The following DLG4 variants were observed in gnomAD, a reference collection of about 807,000 sequenced individuals.
The protein encoded by DLG4 is discs large MAGUK scaffold protein 4.
A neutral mutation model predicts 93.8 loss-of-function variants in DLG4; 7 were observed. That is an observed-to-expected ratio of 0.07 (90% CI 0.04 to 0.14). The LOEUF (loss-of-function observed/expected upper bound fraction) is 0.14, where lower values mean the gene tolerates loss of function less well. Among genes scored for constraint, DLG4 ranks in the 10% least tolerant of loss-of-function variants. The probability of loss-of-function intolerance (pLI) is 1.00; values close to 1 mark genes in which losing one functional copy is unlikely to be tolerated. For synonymous variants in DLG4, 341 were observed against 387.6 expected (o/e 0.88, Z 1.41); for missense variants, 545 against 992.9 (o/e 0.55, Z 6.06).
rs778575241 is a variant in DLG4, at chr17:7,194,304, G to A, written c.1478+15C>T. The A allele has an allele frequency of 3.5e-5, 56 of 1,596,918 alleles. No homozygotes were observed. Among genetic ancestry groups the A allele is most frequent in the Admixed American group, 2.4e-4 (14 of 57,648 alleles). ...GTGCCTGTGGCAGGAAGGCTACAGA[G>A]CCCAGGAGCCTCACCGCCGTTTGCT... On this transcript the variant is annotated intron_variant, in intron 12 of 19. Coordinates refer to ENST00000399506, the MANE Select transcript of DLG4 (RefSeq NM_001321075.3). This position sits in a 1 kb window ranked among gnomAD's most constrained non-coding sequence, Gnocchi z 4.4.
rs1183722469 is a variant in DLG4, at chr17:7,195,216, A to G, written c.1302-721T>C. Among the ~76,000 whole-genome samples the G allele has an allele frequency of 6.6e-6, 1 of 152,174 alleles. No homozygotes were observed. The highest frequency in any genetic ancestry group is 1.5e-5 in the Non-Finnish European group (1 of 68,030). ...AGTCACAACCCCTGGGGTCAGAACC[A>G]GGGAAGTAATGAAGACACAGAAGAA... On this transcript the variant is annotated intron_variant, in intron 11 of 19. Transcript: ENST00000399506. The surrounding 1 kb of genome is among the most constrained non-coding windows in gnomAD (Gnocchi z 4.3).
At position 7,194,187 on chromosome 17, in the gene DLG4, C is replaced by T; in HGVS notation, c.1478+132G>A. The T allele has an allele frequency of 7.3e-7, 1 of 1,363,464 alleles. No homozygotes were observed. 84.5% of individuals were successfully genotyped at this position (1,363,464 alleles called of 1,614,324 possible). A position where few individuals can be genotyped will look rare whatever the true frequency, so the allele number is the denominator to read the frequency against. ...CCAAAGGCTCATGGGAGCCACGGAC[C>T]CCAGGAGGGCCCAACAGACAAACCC... On this transcript the variant is annotated intron_variant, in intron 12 of 19. Coordinates refer to ENST00000399506, the MANE Select transcript of DLG4 (RefSeq NM_001321075.3). This position sits in a 1 kb window ranked among gnomAD's most constrained non-coding sequence, Gnocchi z 4.4.
rs1457338374 is a variant in DLG4, at chr17:7,195,573, C to T, written c.1301+647G>A. On this transcript the variant is annotated intron_variant, in intron 11 of 19. Coordinates refer to ENST00000399506, the MANE Select transcript of DLG4 (RefSeq NM_001321075.3). This position sits in a 1 kb window ranked among gnomAD's most constrained non-coding sequence, Gnocchi z 4.3. Reference sequence around the variant, plus strand: ...CATCCCAGTGGAGATGGCCAGAAAGCCAATGGCCAGAAGTGCAGGTCTTGA... The same window carrying T: ...CATCCCAGTGGAGATGGCCAGAAAGTCAATGGCCAGAAGTGCAGGTCTTGA... 6.6e-6 allele frequency among the ~76,000 whole-genome samples: 1 copy of T among 152,122 alleles called. No homozygotes were observed. Among genetic ancestry groups the T allele is most frequent in the Non-Finnish European group, 1.5e-5 (1 of 68,020 alleles).
intron 1 of DLG4, among the ~76,000 whole-genome samples, chr17:7,211,233 G>C (rs942726580): frequency 5.3e-5 from 8 of 151,744 alleles, no homozygotes; most frequent in African/African-American, 1.5e-4. Flanking sequence ...ACTAAAGCAG[G>C]ACGGGAAAGG....
At position 7,196,823 on chromosome 17, in the gene DLG4, G is replaced by A. The variant is rs373780115; in HGVS notation, c.1017C>T (p.Ser339=). ...GGEDGEGIFI[S]FILAGGPADL... is the part of the protein sequence containing the mutation. ...CTGCAGGGCCCCCGGCCAGGATAAA[G>A]GAGATGAAGATGCCTTCACCGTCCT... The change falls in exon 9 of 20, where the codon TCC becomes TCT. Residue 339 remains serine (S), a synonymous_variant. Transcript: ENST00000399506. This position sits in a 1 kb window ranked among gnomAD's most constrained non-coding sequence, Gnocchi z 8.3. The A allele has an allele frequency of 1.2e-5, 19 of 1,613,046 alleles. No homozygotes were observed. In the African/African-American group the frequency reaches 2.0e-4, roughly 17 times the overall value.
chr17:7,190,518 C>G lies in DLG4; in HGVS notation c.*190G>C. On this transcript the variant is annotated 3_prime_UTR_variant, in exon 20 of 20. Transcript: ENST00000399506. The stretch of plus-strand genomic sequence containing the variant: ...CCCCAGGTTCCTGGCGTTCAGGAGC[C>G]CAGTTCTGGGGTGCGGGGATACATG... The G allele has an allele frequency of 1.7e-6, 1 of 583,464 alleles. No homozygotes were observed. The highest frequency in any genetic ancestry group is 3.1e-6 in the Non-Finnish European group (1 of 325,840). The allele number at this position is 583,464 out of a possible 1,614,324, so 36.1% of individuals were successfully genotyped here.
At chr17:7,219,536 T>G, upstream of DLG4, 1 of 1,077,446 alleles carries the variant, frequency 9.3e-7, no homozygotes, top group Non-Finnish European at 1.1e-6. Flanking sequence ...CCGAGATAGA[T>G]TTCATCAGGA....
Position 7,193,602 on chromosome 17 carries a change from C to T in DLG4, c.1592-18G>A. The T allele has an allele frequency of 6.6e-7, 1 of 1,526,024 alleles. No individual in the cohort carries two copies. The highest frequency in any genetic ancestry group is 8.8e-7 in the Non-Finnish European group (1 of 1,139,558). The allele number at this position is 1,526,024 out of a possible 1,614,324, so 94.5% of individuals were successfully genotyped here. A position where few individuals can be genotyped will look rare whatever the true frequency, so the allele number is the denominator to read the frequency against. ...ATAGTGCACTGCAGAGAGAGCCTGG[C>T]TTAGGCCGAGCGCAGGGTTGGGGGA... On this transcript the variant is annotated intron_variant, in intron 15 of 19. Transcript: ENST00000399506. The surrounding 1 kb of genome is among the most constrained non-coding windows in gnomAD (Gnocchi z 6.7).
chr17:7,193,485 G>A lies in DLG4; in HGVS notation c.1691C>T (p.Pro564Leu). The A allele has an allele frequency of 6.5e-7, 1 of 1,532,432 alleles. No individual in the cohort carries two copies. The highest frequency in any genetic ancestry group is 8.7e-7 in the Non-Finnish European group (1 of 1,146,366). The allele number at this position is 1,532,432 out of a possible 1,614,324, so 94.9% of individuals were successfully genotyped here. A position where few individuals can be genotyped will look rare whatever the true frequency, so the allele number is the denominator to read the frequency against. ...CCATCCAAGGCCCCAGCACTCACGG[G>A]GAACACAGGATCCAAACTTGTCGGG... Reference protein sequence around the residue: ...EFPDKFGSCVPHTTRPKREYE... With the variant: ...EFPDKFGSCVLHTTRPKREYE... The change falls in exon 16 of 20, where the codon CCC becomes CTC. Residue 564 changes from proline to leucine, a missense_variant and splice_region_variant. Transcript: ENST00000399506. This position sits in a 1 kb window ranked among gnomAD's most constrained non-coding sequence, Gnocchi z 6.7.
Position 7,203,835 on chromosome 17 carries a change from G to A in DLG4, c.211-19C>T. ...AGTTACCCTGGGTGAAGGAGGGGAA[G>A]AGGGTCAGCTCCCCTCACTGCCCAA... On this transcript the variant is annotated intron_variant, in intron 4 of 19. Coordinates refer to ENST00000399506, the MANE Select transcript of DLG4 (RefSeq NM_001321075.3). The surrounding 1 kb of genome is among the most constrained non-coding windows in gnomAD (Gnocchi z 7.2). The A allele has an allele frequency of 6.2e-7, 1 of 1,612,950 alleles. No homozygotes were observed. Among genetic ancestry groups the A allele is most frequent in the Non-Finnish European group, 8.5e-7 (1 of 1,179,500 alleles).
Position 7,208,359 on chromosome 17 carries a change from C to G in DLG4, c.31-120G>C. The G allele has an allele frequency of 2.4e-6, 2 of 848,948 alleles. No homozygotes were observed. Among genetic ancestry groups the G allele is most frequent in the Non-Finnish European group, 3.3e-6 (2 of 614,620 alleles). The allele number at this position is 848,948 out of a possible 1,614,324, so 52.6% of individuals were successfully genotyped here. On this transcript the variant is annotated intron_variant, in intron 1 of 19. Coordinates refer to ENST00000399506, the MANE Select transcript of DLG4 (RefSeq NM_001321075.3). This position sits in a 1 kb window ranked among gnomAD's most constrained non-coding sequence, Gnocchi z 5.4. ...AGTGCGGAAGGCCCTGGGGCCTGAC[C>G]AGCTCCTCCCCCTCCCTCTCCTCTA... is the stretch of plus-strand genomic sequence containing the variant.
At chr17:7,219,303 A>C, upstream of DLG4, 1 of 767,742 alleles carries the variant, frequency 1.3e-6, no homozygotes, top group Non-Finnish European at 1.6e-6. Context: ...GCCTGGGCAC[A>C]TGGTCTCTGG....
intron 1 of DLG4, among the ~76,000 whole-genome samples, chr17:7,215,257 T>A (rs1238284801): frequency 6.6e-6 from 1 of 152,182 alleles, no homozygotes; most frequent in East Asian, 1.9e-4. Flanking sequence ...AAACCCCAAA[T>A]GCATGATCTG....
At position 7,196,504 on chromosome 17, in the gene DLG4, C is replaced by T. The variant is rs776871143; in HGVS notation, c.1155G>A (p.Thr385=). Residue 385 remains threonine (T), a synonymous_variant, in exon 10 of 20, where the codon ACG becomes ACA. Transcript: ENST00000399506. The surrounding 1 kb of genome is among the most constrained non-coding windows in gnomAD (Gnocchi z 8.3). Reference sequence around the variant, plus strand: ...GTTTATACTGAGCGATGATCGTGACCGTCTGACCCGCATTCTTCAGGGCAA... The same window carrying T: ...GTTTATACTGAGCGATGATCGTGACTGTCTGACCCGCATTCTTCAGGGCAA... ...AAIALKNAGQ[T]VTIIAQYKPE... 1.7e-5 allele frequency: 28 copies of T among 1,614,012 alleles called. No homozygotes were observed. The highest frequency in any genetic ancestry group is 1.6e-4 in the Middle Eastern group (1 of 6,062).
chr17:7,204,315 G>A lies in DLG4; in HGVS notation c.97-63C>T, dbSNP rs911106438. ...CTTGACTCGAGAGGGAGCCCATAAC[G>A]GAGGGTCCCATCAGCGTGGCTACCC... is the stretch of plus-strand genomic sequence containing the variant. On this transcript the variant is annotated intron_variant, in intron 2 of 19. Transcript: ENST00000399506. 14 of 1,480,062 alleles carry A rather than the reference G, an allele frequency of 9.5e-6. No individual in the cohort carries two copies. The East Asian group carries it at 3.2e-4, about 34-fold the overall frequency. The allele number at this position is 1,480,062 out of a possible 1,614,324, so 91.7% of individuals were successfully genotyped here.
intron 8 of DLG4, among the ~76,000 whole-genome samples, chr17:7,199,561 T>C (rs140251934): frequency 2.3e-4 from 35 of 152,292 alleles, no homozygotes; most frequent in African/African-American, 7.5e-4. Context: ...GAGTTTTCAC[T>C]GGACAGTAGA....
Position 7,196,909 on chromosome 17 carries a change from G to T in DLG4, c.931C>A (p.Pro311Thr). Reference sequence around the variant, plus strand: ...CCCCGGTGGATCACAATTCGCCTCGGTTCTCGGGGAATGTCTTCCTCCCCG... The same window carrying T: ...CCCCGGTGGATCACAATTCGCCTCGTTTCTCGGGGAATGTCTTCCTCCCCG... ...LLGEEDIPREPRRIVIHRGST... is the reference protein window; with the variant it reads ...LLGEEDIPRETRRIVIHRGST... The change falls in exon 9 of 20, where the codon CCG becomes ACG. Residue 311 changes from proline (P) to threonine (T), a missense_variant. Around this residue, in one of 5 missense-constraint regions of DLG4, gnomAD observed 428 missense variants for 741.4 expected, o/e 0.58. Coordinates refer to ENST00000399506, the MANE Select transcript of DLG4 (RefSeq NM_001321075.3). The surrounding 1 kb of genome is among the most constrained non-coding windows in gnomAD (Gnocchi z 8.3). The T allele has an allele frequency of 6.2e-7, 1 of 1,613,912 alleles. No individual in the cohort carries two copies. Among genetic ancestry groups the T allele is most frequent in the Non-Finnish European group, 8.5e-7 (1 of 1,179,866 alleles).
chr17:7,208,157 A>T lies in DLG4; in HGVS notation c.96+17T>A. The T allele has an allele frequency of 7.6e-7, 1 of 1,317,368 alleles. No individual in the cohort carries two copies. The highest frequency in any genetic ancestry group is 9.8e-7 in the Non-Finnish European group (1 of 1,023,540). 81.6% of individuals were successfully genotyped at this position (1,317,368 alleles called of 1,614,324 possible). A position where few individuals can be genotyped will look rare whatever the true frequency, so the allele number is the denominator to read the frequency against. ...CAAGTTCCTCTCCGCCACGTGCACCAGCTCGGGGGCGTTTACCTGGTTGGG... is the reference window on the plus strand; with the variant it reads ...CAAGTTCCTCTCCGCCACGTGCACCTGCTCGGGGGCGTTTACCTGGTTGGG... On this transcript the variant is annotated intron_variant, in intron 2 of 19. Coordinates refer to ENST00000399506, the MANE Select transcript of DLG4 (RefSeq NM_001321075.3). This position sits in a 1 kb window ranked among gnomAD's most constrained non-coding sequence, Gnocchi z 5.4.
chr17:7,212,097 C>T (rs544859551), intron 1 of DLG4, among the ~76,000 whole-genome samples: 2 of 152,234 alleles, frequency 1.3e-5, no homozygotes, highest in South Asian at 4.1e-4. Context: ...ATTCCAAAAC[C>T]TCACTGGACA....
Sources: gnomAD v4.1 joint callset for allele counts (sites outside exome capture counted in the v4.1 genomes callset) on GRCh38, gnomAD v4.1.1 for gene constraint, gnomAD v4.1.1 regional missense constraint, Gnocchi (gnomAD v3.1) non-coding constraint, MANE v1.5 for transcripts, NCBI Gene and HGNC (gene_info 2026-07-23, HGNC 2026-07-21) for gene names.